The following EED variants were observed in gnomAD, a reference collection of about 807,000 sequenced individuals.
EED encodes the protein embryonic ectoderm development.
EED carries 9 observed loss-of-function variants against 61.0 expected under a neutral mutation model. The observed-to-expected ratio is 0.15, with a 90% CI of 0.09 to 0.26. EED has a LOEUF of 0.26. Ranked by LOEUF, EED falls within the 10% of genes least tolerant of loss-of-function variation. The probability of loss-of-function intolerance (pLI) is 1.00; values close to 1 mark genes in which losing one functional copy is unlikely to be tolerated. For missense variants in EED, 315 were observed against 542.3 expected (o/e 0.58, Z 4.16); for synonymous variants, 187 against 174.4 (o/e 1.07, Z -0.57).
chr11:86,264,061 G>A (rs1279705473), intron 6 of EED, 111 bp from the exon 7 acceptor site: 1 of 745,308 alleles, frequency 1.3e-6, no homozygotes, highest in Non-Finnish European at 2.2e-6. Flanking sequence ...CCATTTTTAG[G>A]CTTTACTGTG....
chr11:86,250,288 G>T lies in EED; in HGVS notation c.115-8G>T, dbSNP rs781578795. ...TTCATGTAATTTTTCCTCATTTACT[G>T]CTTACAGGATGACGCTGTCAGTATA... On this transcript the variant is annotated splice_polypyrimidine_tract_variant and splice_region_variant and intron_variant, in intron 1 of 11. Coordinates refer to ENST00000263360, the MANE Select transcript of EED (RefSeq NM_003797.5). 6.6e-7 allele frequency: 1 copy of T among 1,512,456 alleles called. No individual in the cohort carries two copies. The highest frequency in any genetic ancestry group is 1.3e-5 in the South Asian group (1 of 76,442). 93.7% of individuals were successfully genotyped at this position (1,512,456 alleles called of 1,614,324 possible). A position where few individuals can be genotyped will look rare whatever the true frequency, so the allele number is the denominator to read the frequency against.
At chr11:86,246,000 G>GATAA (rs1945382489) in intron 1 of EED, among the ~76,000 whole-genome samples, 1 of 152,174 alleles carries the variant, frequency 6.6e-6, no homozygotes, top group Non-Finnish European at 1.5e-5. Context: ...TTTTACTTAA[G>GATAA]ATAAAGGTGA....
intron 5 of EED, 117 bp downstream of exon 5, chr11:86,256,629 C>G (rs1945683546): frequency 9.6e-7 from 1 of 1,039,252 alleles, no homozygotes; most frequent in Non-Finnish European, 1.3e-6. Context: ...TTGATTTGTA[C>G]TTTTCTTACT....
At chr11:86,253,165 A>G (rs1202758116) in intron 3 of EED, among the ~76,000 whole-genome samples, 1 of 152,240 alleles carries the variant, frequency 6.6e-6, no homozygotes, top group Middle Eastern at 3.2e-3. Flanking sequence ...ACATGAAATA[A>G]TAGCTTTTTT....
intron 1 of EED, among the ~76,000 whole-genome samples, chr11:86,249,640 G>A (rs1945476369): frequency 6.6e-6 from 1 of 151,364 alleles, no homozygotes; most frequent in African/African-American, 2.4e-5. Context: ...GTGATTGAGA[G>A]TCTCTGGAGT....
At chr11:86,287,343 G>A in the EED span, among the ~76,000 whole-genome samples, 1 of 152,136 alleles carries the variant, frequency 6.6e-6, no homozygotes, top group Non-Finnish European at 1.5e-5. Flanking sequence ...GTTACCTCTG[G>A]GTTTCCCCTG....
chr11:86,247,772 G>A (rs1945427781), intron 1 of EED, among the ~76,000 whole-genome samples: 2 of 152,194 alleles, frequency 1.3e-5, no homozygotes, highest in Admixed American at 1.3e-4. Flanking sequence ...TCTTGAGGGA[G>A]CCAAATAATG....
intron 6 of EED, among the ~76,000 whole-genome samples, chr11:86,259,268 A>C (rs956035182): frequency 3.3e-5 from 4 of 120,074 alleles, no homozygotes; most frequent in South Asian, 2.5e-4. Context: ...GCTCCAAGTG[A>C]TACTATCAAG....
At position 86,255,535 on chromosome 11, in the gene EED, G is replaced by A. The variant is rs531088889; in HGVS notation, c.426+248G>A. ...ATTGTGGGATGGATGTGCTGGTTGG[G>A]TGCAGATGTCTATAGAGATAGGAGC... On this transcript the variant is annotated intron_variant, in intron 4 of 11. Coordinates refer to ENST00000263360, the MANE Select transcript of EED (RefSeq NM_003797.5). Among the ~76,000 whole-genome samples the A allele has an allele frequency of 7.2e-5, 11 of 152,238 alleles. No individual in the cohort carries two copies. The East Asian group carries it at 9.6e-4, about 13-fold the overall frequency.
At chr11:86,256,561 C>T in intron 5 of EED, 49 bp downstream of exon 5, 3 of 1,466,322 alleles carry the variant, frequency 2.0e-6, no homozygotes, top group Non-Finnish European at 2.7e-6. Context: ...GAATCCACAA[C>T]TGTAAAAACT....
chr11:86,265,071 C>T (rs1945940135), intron 7 of EED: 1 of 152,200 alleles, frequency 6.6e-6, no homozygotes, highest in African/African-American at 2.4e-5. Context: ...CATTCTACGT[C>T]TGGCTTTATG....
chr11:86,250,546 A>G, intron 2 of EED, 98 bp downstream of exon 2: 2 of 1,306,770 alleles, frequency 1.5e-6, no homozygotes, highest in Non-Finnish European at 2.0e-6. Context: ...GTCAAGTTGT[A>G]AATATTTTAA....
At chr11:86,246,972 A>C (rs904188208) in intron 1 of EED, among the ~76,000 whole-genome samples, 1 of 152,180 alleles carries the variant, frequency 6.6e-6, no homozygotes, top group Non-Finnish European at 1.5e-5. Flanking sequence ...TACTATACAC[A>C]TGTTATTTAT....
At chr11:86,272,736 A>C (rs967705099) in intron 9 of EED, among the ~76,000 whole-genome samples, 3 of 152,102 alleles carry the variant, frequency 2.0e-5, no homozygotes, top group Admixed American at 6.5e-5. Flanking sequence ...TCTTTTTTCA[A>C]ACTTTTAATC....
At chr11:86,262,054 A>G (rs770881863) in intron 6 of EED, among the ~76,000 whole-genome samples, 12 of 152,066 alleles carry the variant, frequency 7.9e-5, no homozygotes, top group Non-Finnish European at 1.6e-4. Flanking sequence ...TTTATTTTAT[A>G]TATTTTTTGA....
chr11:86,264,298 T>C (rs373200988), intron 7 of EED, 35 bp downstream of exon 7: 11 of 1,481,604 alleles, frequency 7.4e-6, no homozygotes, highest in Non-Finnish European at 9.4e-6. Context: ...GACTTTCAGG[T>C]TTACATAGCT....
rs764582479 is a variant in EED, at chr11:86,277,147, A to G, written c.1125+9A>G. ...TGGATTTCTGGCAAAAGGTATCAAC[A>G]TACTTTTACATTTTGAAATGATCTG... On this transcript the variant is annotated intron_variant, in intron 10 of 11. Transcript: ENST00000263360. 10 of 1,555,782 alleles carry G rather than the reference A, an allele frequency of 6.4e-6. No homozygotes were observed. Among genetic ancestry groups the G allele is most frequent in the South Asian group, 2.4e-5 (2 of 81,912 alleles).
rs757195252 is a variant in EED, at chr11:86,245,305, G to A, written c.76G>A (p.Asp26Asn). The A allele has an allele frequency of 6.2e-7, 1 of 1,613,430 alleles. No individual in the cohort carries two copies. The highest frequency in any genetic ancestry group is 1.3e-5 in the African/African-American group (1 of 74,860). ...PAAKKQKLSS[D>N]ENSNPDLSGD... ...GGCCAAGAAGCAGAAGCTGAGCAGT[G>A]ACGAGAACAGCAATCCAGACCTCTC... The change falls in exon 1 of 12, where the codon GAC becomes AAC. Residue 26 changes from aspartate to asparagine, a missense_variant. Asp to Asn is a conservative substitution (Grantham distance 23, BLOSUM62 1). This residue lies in a region of EED where 110 missense variants were observed against 86.9 expected (regional missense o/e 1.27). Transcript: ENST00000263360.
intron 1 of EED, among the ~76,000 whole-genome samples, chr11:86,246,750 A>G (rs1022207210): frequency 2.6e-5 from 4 of 152,178 alleles, no homozygotes; most frequent in Non-Finnish European, 5.9e-5. Flanking sequence ...CTCTAGGCAG[A>G]TTAGAGTATT....
Sources: allele counts gnomAD v4.1 joint callset (sites outside exome capture counted in the v4.1 genomes callset), GRCh38; gene constraint gnomAD v4.1.1; regional missense constraint gnomAD v4.1.1; transcripts MANE v1.5; gene names NCBI Gene and HGNC (gene_info 2026-07-23, HGNC 2026-07-21).